CIZ1: variants seen among roughly 807,000 people sequenced by gnomAD.
CIZ1 encodes CDKN1A interacting zinc finger protein 1, also known as cip1-interacting zinc finger protein.
A neutral mutation model predicts 118.6 loss-of-function variants in CIZ1; 58 were observed. The observed-to-expected ratio is 0.49, with a 90% confidence interval of 0.40 to 0.61. CIZ1 has a LOEUF of 0.61. Ranked by LOEUF, CIZ1 falls within the 20% of genes least tolerant of loss-of-function variation. The probability of loss-of-function intolerance (pLI) is 0.00; values close to 1 mark genes in which losing one functional copy is unlikely to be tolerated. For synonymous variants in CIZ1, 448 were observed against 443.4 expected, an observed-to-expected ratio of 1.01 and a Z score of -0.13; for missense variants, 921 against 1,115.9, an observed-to-expected ratio of 0.83 and a Z score of 2.49.
chr9:128,194,858 C>T (rs10115483), upstream of CIZ1, among the ~76,000 whole-genome samples: 64,695 of 152,062 alleles, frequency 0.43, 14,678 homozygotes, highest in African/African-American at 0.59. Flanking sequence ...TGCTCTGTCT[C>T]CCAGTCTGGA....
chr9:128,173,231 G>A (rs933216241), intron 11 of CIZ1, among the ~76,000 whole-genome samples: 4 of 135,546 alleles, frequency 3.0e-5, no homozygotes, highest in East Asian at 5.1e-4. Flanking sequence ...TGCAAGCTCC[G>A]CCTCCTGGGT....
In CIZ1 at chr9:128,203,385, G is replaced by C. The variant is rs1187624228; in HGVS notation, c.-6+801C>G. 3.9e-6 allele frequency: 5 copies of C among 1,276,692 alleles called. No individual in the cohort carries two copies. In the South Asian group the frequency reaches 6.1e-5, roughly 16 times the overall value. The allele number at this position is 1,276,692 out of a possible 1,614,324, so 79.1% of individuals were successfully genotyped here. On this transcript the variant is annotated intron_variant, in intron 1 of 17. Transcript: ENST00000372948. This position sits in a 1 kb window ranked among gnomAD's most constrained non-coding sequence, Gnocchi z 5.3. ...GGGGCCCCGCGGCGCAGGCAGTCTG[G>C]GCGCGCGGCTGCAGCGGCGGAGCCG... is the stretch of plus-strand genomic sequence containing the variant.
chr9:128,180,121 T>C (rs1384511613), intron 7 of CIZ1, among the ~76,000 whole-genome samples: 3 of 152,124 alleles, frequency 2.0e-5, no homozygotes, highest in African/African-American at 7.2e-5. Flanking sequence ...CCAATTGGCT[T>C]TGTAAATGGC....
intron 7 of CIZ1, among the ~76,000 whole-genome samples, chr9:128,180,087 C>T (rs1163312132): frequency 6.6e-6 from 1 of 152,174 alleles, no homozygotes; most frequent in Non-Finnish European, 1.5e-5. Flanking sequence ...TCGTTCTCAC[C>T]TCCCACAACT....
rs765590509 is a variant in CIZ1 at position 128,185,675 on chromosome 9, C to T, written c.460G>A (p.Ala154Thr). 1.2e-6 allele frequency: 2 copies of T among 1,604,284 alleles called. No homozygotes were observed. Among genetic ancestry groups the T allele is most frequent in the South Asian group, 2.2e-5 (2 of 89,228 alleles). Residue 154 changes from alanine (A) to threonine (T), a missense_variant, in exon 5 of 17, where the codon GCC becomes ACC. Transcript: ENST00000372938. ...TPNLQQFFPQ[A>T]TRQSLLGPPP... ...GGTCCCAGCAAGGACTGGCGAGTGGCCTGGGGAAAGAACTGTTGCAAATTT... is the reference window on the plus strand; with the variant it reads ...GGTCCCAGCAAGGACTGGCGAGTGGTCTGGGGAAAGAACTGTTGCAAATTT...
chr9:128,176,109 T>C lies in CIZ1; in HGVS notation c.1943+242A>G, dbSNP rs534825632. On this transcript the variant is annotated intron_variant, in intron 11 of 16. Coordinates refer to ENST00000372938, the MANE Select transcript of CIZ1 (RefSeq NM_001131016.2). ...CTGTCCTCTCCCACAGGGATGGTCA[T>C]ACTGTTCCTGCCTAGAGGGAACCTT... Among the ~76,000 whole-genome samples, 40 of 152,222 alleles carry C rather than the reference T, an allele frequency of 2.6e-4. 1 individual carries two copies. The highest frequency in any genetic ancestry group is 4.1e-4 in the Non-Finnish European group (28 of 68,030).
At chr9:128,190,141 C>A (rs879767857) in intron 3 of CIZ1, among the ~76,000 whole-genome samples, 188 bp downstream of exon 3, 1 of 152,216 alleles carries the variant, frequency 6.6e-6, no homozygotes, top group Non-Finnish European at 1.5e-5. Flanking sequence ...TGCAATCAGA[C>A]AGATCTGCAT....
At chr9:128,179,472 C>T in intron 7 of CIZ1, 57 bp from the exon 8 acceptor site, 1 of 1,481,106 alleles carries the variant, frequency 6.8e-7, no homozygotes, top group African/African-American at 1.4e-5. Context: ...CCAGGGGCTC[C>T]CAAGTAAGGC....
chr9:128,169,848 GA>G, intron 12 of CIZ1, 171 bp downstream of exon 12: 3 of 1,036,102 alleles, frequency 2.9e-6, no homozygotes, highest in Non-Finnish European at 4.3e-6. Context: ...GACAGATGGG[GA>G]ACCTGAAGCC....
rs770045508 is a variant in CIZ1, at chr9:128,187,873, T to C, written c.348A>G (p.Thr116=). ...TYDTAGLTMP[T]ATLGNLRGYG... The stretch of plus-strand genomic sequence containing the variant: ...AAAAGCATATAATACCCAGTGTTGC[T>C]GTGGGCATGGTGAGACCGGCAGTGT... Residue 116 remains threonine, a synonymous_variant, in exon 4 of 17, where the codon ACA becomes ACG. Transcript: ENST00000372938. 1 of 733,170 alleles carries C rather than the reference T, an allele frequency of 1.4e-6. No homozygotes were observed. The highest frequency in any genetic ancestry group is 2.5e-6 in the Non-Finnish European group (1 of 392,516). 45.4% of individuals were successfully genotyped at this position (733,170 alleles called of 1,614,324 possible). A position where few individuals can be genotyped will look rare whatever the true frequency, so the allele number is the denominator to read the frequency against.
At chr9:128,202,367 G>A (rs1158053425) in intron 1 of CIZ1, among the ~76,000 whole-genome samples, 2 of 152,212 alleles carry the variant, frequency 1.3e-5, no homozygotes, top group African/African-American at 4.8e-5. Context: ...GTCTGTCTGT[G>A]TGAAAGGGTA....
At chr9:128,189,918 G>A (rs1832921919) in intron 3 of CIZ1, among the ~76,000 whole-genome samples, 1 of 146,776 alleles carries the variant, frequency 6.8e-6, no homozygotes, top group South Asian at 2.3e-4. Context: ...TTGAGACAAG[G>A]CCACAGACTT....
At chr9:128,167,451 G>A in intron 14 of CIZ1, 2 of 411,488 alleles carry the variant, frequency 4.9e-6, no homozygotes, top group South Asian at 3.9e-5. Flanking sequence ...AAGACATCAT[G>A]TGTCATTTGA....
At chr9:128,180,555 G>T in intron 6 of CIZ1, 32 bp from the exon 7 acceptor site, 1 of 1,575,892 alleles carries the variant, frequency 6.3e-7, no homozygotes, top group Non-Finnish European at 8.7e-7. Flanking sequence ...GGGAACTCAT[G>T]TTGGGAAGAG....
Position 128,196,947 on chromosome 9 carries a change from A to G in CIZ1, c.-5-6085T>C, listed in dbSNP as rs80277775. 6.0e-3 allele frequency: 907 copies of G among 152,348 alleles called. 5 individuals carry two copies. The highest frequency in any genetic ancestry group is 9.3e-3 in the Non-Finnish European group (636 of 68,044). 9.4% of individuals were successfully genotyped at this position (152,348 alleles called of 1,614,324 possible). ...AAGCCTTGCAGTAAGTTAGTTTCAC[A>G]GGCCTCTTCACCTAGTACTTGCACA... is the stretch of plus-strand genomic sequence containing the variant. On this transcript the variant is annotated intron_variant, in intron 1 of 17. Transcript: ENST00000372948.
chr9:128,192,889 G>C (rs1421303478), upstream of CIZ1, among the ~76,000 whole-genome samples: 1 of 152,194 alleles, frequency 6.6e-6, no homozygotes, highest in Admixed American at 6.5e-5. Context: ...TGCCTTGTGC[G>C]TGTCACAGCC....
At chr9:128,178,540 T>C (rs771745449) in intron 8 of CIZ1, 50 bp from the exon 9 acceptor site, 2 of 1,613,024 alleles carry the variant, frequency 1.2e-6, no homozygotes, top group East Asian at 4.5e-5. Context: ...GCCCAAGAGC[T>C]GCCTTCTCCG....
In CIZ1 at chr9:128,179,352, G is replaced by A; in HGVS notation, c.855C>T (p.Ala285=). The part of the protein sequence containing the change: ...GQLQVKAQPQ[A]RMTVPKQTQT... ...GTGTCTGTTTCGGTACTGTCATCCG[G>A]GCCTGCGGCTGGGCCTTCACCTGTA... Residue 285 remains alanine (A), a synonymous_variant, in exon 8 of 17, where the codon GCC becomes GCT. Coordinates refer to ENST00000372938, the MANE Select transcript of CIZ1 (RefSeq NM_001131016.2). The A allele has an allele frequency of 6.2e-7, 1 of 1,613,822 alleles. No homozygotes were observed. Among genetic ancestry groups the A allele is most frequent in the Non-Finnish European group, 8.5e-7 (1 of 1,179,922 alleles).
rs750243510 is a variant in CIZ1, at chr9:128,169,026, C to T, written c.2295+26G>A. On this transcript the variant is annotated intron_variant, in intron 14 of 16. Coordinates refer to ENST00000372938, the MANE Select transcript of CIZ1 (RefSeq NM_001131016.2). ...TGGGCTGGGAATCCAGCACCAAGCC[C>T]GCCTCCCACACCCTCCCCCCAGCAC... The T allele has an allele frequency of 2.3e-5, 37 of 1,613,510 alleles. 1 individual carries two copies. Among genetic ancestry groups the T allele is most frequent in the South Asian group, 1.9e-4 (17 of 90,934 alleles).
Sources: gnomAD v4.1 joint callset for allele counts (sites outside exome capture counted in the v4.1 genomes callset) on GRCh38, gnomAD v4.1.1 for gene constraint, Gnocchi (gnomAD v3.1) non-coding constraint, MANE v1.5 for transcripts, NCBI Gene and HGNC (gene_info 2026-07-23, HGNC 2026-07-21) for gene names.